Variants in SLC1A2 observed in about 807,000 individuals in gnomAD.
SLC1A2 encodes the protein excitatory amino acid transporter 2.
In SLC1A2, 15 loss-of-function variants were observed where a neutral mutation model predicts 48.8. That is an observed-to-expected ratio of 0.31 (90% CI 0.21 to 0.47). SLC1A2 has a LOEUF of 0.47. SLC1A2 is among the 20% of genes least tolerant of loss of function. SLC1A2 has a pLI of 0.99. For synonymous variants in SLC1A2, 279 were observed against 272.6 expected (o/e 1.02, Z -0.23); for missense variants, 502 against 730.5 (o/e 0.69, Z 3.61).
rs1042115 is a variant in SLC1A2 at position 35,280,892 on chromosome 11, G to T, written c.1396C>A (p.Leu466Met). Reference sequence around the variant, plus strand: ...AGCAGCCAGTCCACAGCCACCAGCAGGCTGATGTCCTCTGTTGGCAGGCCC... The same window carrying T: ...AGCAGCCAGTCCACAGCCACCAGCATGCTGATGTCCTCTGTTGGCAGGCCC... Reference protein sequence around the residue: ...AVGLPTEDISLLVAVDWLLDR... With the variant: ...AVGLPTEDISMLVAVDWLLDR... Residue 466 changes from leucine to methionine, a missense_variant, in exon 9 of 11, where the codon CTG becomes ATG. Leu to Met is a conservative substitution (Grantham distance 15). This residue lies in a region of SLC1A2 where 309 missense variants were observed against 480.3 expected (regional missense o/e 0.64). Transcript: ENST00000278379. 3 of 1,612,288 alleles carry T rather than the reference G, an allele frequency of 1.9e-6. No individual in the cohort carries two copies. In the African/African-American group the frequency reaches 4.0e-5, roughly 22 times the overall value.
intron 10 of SLC1A2, 46 bp downstream of exon 10, chr11:35,265,481 T>C: frequency 1.1e-6 from 1 of 914,684 alleles, no homozygotes; most frequent in Non-Finnish European, 1.8e-6. Flanking sequence ...AAATCAAGCA[T>C]GCACTACTAT....
chr11:35,318,881 C>T (rs960129853), intron 1 of SLC1A2, among the ~76,000 whole-genome samples: 1 of 152,208 alleles, frequency 6.6e-6, no homozygotes, highest in Non-Finnish European at 1.5e-5. Context: ...ACTTAGCTTC[C>T]AGACTCAGAG....
At chr11:35,316,410 C>T (rs999624414) in intron 2 of SLC1A2, 2 of 152,234 alleles carry the variant, frequency 1.3e-5, no homozygotes, top group African/African-American at 4.8e-5. Context: ...CACTCTCCAA[C>T]TTCTTCAAGT....
chr11:35,279,275 A>G (rs928807474), intron 9 of SLC1A2, among the ~76,000 whole-genome samples: 6 of 152,350 alleles, frequency 3.9e-5, no homozygotes, highest in African/African-American at 1.2e-4. Context: ...GGGCACTTAG[A>G]GGGGATCCAT....
At chr11:35,342,403 AG>A (rs1466607904) in intron 1 of SLC1A2, among the ~76,000 whole-genome samples, 1 of 152,242 alleles carries the variant, frequency 6.6e-6, no homozygotes, top group African/African-American at 2.4e-5. Flanking sequence ...ACCGACAAAA[AG>A]TAACTTTCTG....
At position 35,257,117 on chromosome 11, in the gene SLC1A2, CTTTG is replaced by C. The variant is rs1224060953; in HGVS notation, c.*3773_*3776del. ...ACCCAGTAAATGAGTTTCCCAACCACTTTGCTCCAAAAGGGCTTCTTGACTAGAT... is the reference window on the plus strand; with the variant it reads ...ACCCAGTAAATGAGTTTCCCAACCACCTCCAAAAGGGCTTCTTGACTAGAT... On this transcript the variant is annotated 3_prime_UTR_variant, in exon 11 of 11. Coordinates refer to ENST00000278379, the MANE Select transcript of SLC1A2 (RefSeq NM_004171.4). 1.3e-5 allele frequency: 2 copies of C among 152,306 alleles called. No individual in the cohort carries two copies. Among genetic ancestry groups the C allele is most frequent in the East Asian group, 3.9e-4 (2 of 5,188 alleles). 9.4% of individuals were successfully genotyped at this position (152,306 alleles called of 1,614,324 possible).
At chr11:35,297,329 C>G (rs1039939257) in intron 6 of SLC1A2, among the ~76,000 whole-genome samples, 9 of 152,042 alleles carry the variant, frequency 5.9e-5, no homozygotes, top group African/African-American at 2.2e-4. Context: ...CCCGAGCATC[C>G]ACTGCCCCCA....
chr11:35,406,951 A>G (rs1459202615), intron 1 of SLC1A2, among the ~76,000 whole-genome samples: 1 of 152,222 alleles, frequency 6.6e-6, no homozygotes, highest in Non-Finnish European at 1.5e-5. Flanking sequence ...GCAGAGCCCA[A>G]GAGGAGATTG....
chr11:35,301,662 A>G lies in SLC1A2; in HGVS notation c.731-17T>C, dbSNP rs1851360509. ...CTATCAGACCTGTTGGATGAATCAC[A>G]TTACATAGAAGGACAAATTACAAAA... is the stretch of plus-strand genomic sequence containing the variant. On this transcript the variant is annotated splice_polypyrimidine_tract_variant and intron_variant, in intron 5 of 10. Coordinates refer to ENST00000278379, the MANE Select transcript of SLC1A2 (RefSeq NM_004171.4). 2 of 1,611,578 alleles carry G rather than the reference A, an allele frequency of 1.2e-6. No homozygotes were observed. The highest frequency in any genetic ancestry group is 8.5e-7 in the Non-Finnish European group (1 of 1,178,746).
At chr11:35,296,039 T>A (rs559225849) in intron 6 of SLC1A2, among the ~76,000 whole-genome samples, 18 of 152,376 alleles carry the variant, frequency 1.2e-4, no homozygotes, top group Middle Eastern at 3.4e-3. Flanking sequence ...TCTGATCTGT[T>A]TGAAAACCAG....
At position 35,312,417 on chromosome 11, in the gene SLC1A2, G is replaced by A; in HGVS notation, c.342C>T (p.Gly114=). Residue 114 remains glycine (G), a synonymous_variant, in exon 4 of 11, where the codon GGC becomes GGT. Transcript: ENST00000278379. The part of the protein sequence containing the change: ...GLSGLDAKAS[G]RLGTRAMVYY... The stretch of plus-strand genomic sequence containing the variant: ...ACACCATGGCTCTCGTGCCCAAGCG[G>A]CCACTAGCCTTAGCATCCAGGCCTG... 6.2e-7 allele frequency: 1 copy of A among 1,614,136 alleles called. No homozygotes were observed. Among genetic ancestry groups the A allele is most frequent in the East Asian group, 2.2e-5 (1 of 44,874 alleles).
At chr11:35,408,869 G>A (rs977883498) in intron 1 of SLC1A2, among the ~76,000 whole-genome samples, 5 of 152,120 alleles carry the variant, frequency 3.3e-5, no homozygotes, top group Admixed American at 6.5e-5. Flanking sequence ...GCATAATATC[G>A]ATCTGCCATG....
intron 1 of SLC1A2, among the ~76,000 whole-genome samples, chr11:35,328,059 G>A (rs1852304057): frequency 6.6e-6 from 1 of 152,206 alleles, no homozygotes; most frequent in South Asian, 2.1e-4. Flanking sequence ...GAGAGAAAAG[G>A]CAAAGTGAGC....
rs770934773 is a variant in SLC1A2 at position 35,252,181 on chromosome 11, T to A, written c.*8713A>T. On this transcript the variant is annotated 3_prime_UTR_variant, in exon 11 of 11. Transcript: ENST00000278379. ...GCTTTCGTAGGGTTTCACCTGCAGA[T>A]GCATTTGCAGTTAGTTAGTCAGCAA... 1 of 152,608 alleles carries A rather than the reference T, an allele frequency of 6.6e-6. No individual in the cohort carries two copies. Among genetic ancestry groups the A allele is most frequent in the Non-Finnish European group, 1.5e-5 (1 of 68,028 alleles). The allele number at this position is 152,608 out of a possible 1,614,324, so 9.5% of individuals were successfully genotyped here. A position where few individuals can be genotyped will look rare whatever the true frequency, so the allele number is the denominator to read the frequency against.
chr11:35,348,180 G>A (rs1853110089), intron 1 of SLC1A2, among the ~76,000 whole-genome samples: 2 of 152,146 alleles, frequency 1.3e-5, no homozygotes, highest in Non-Finnish European at 2.9e-5. Flanking sequence ...GCCTCCCCAG[G>A]AACAGGCCTG....
At chr11:35,353,584 T>C (rs1252218548) in intron 1 of SLC1A2, among the ~76,000 whole-genome samples, 1 of 152,162 alleles carries the variant, frequency 6.6e-6, no homozygotes, top group East Asian at 1.9e-4. Context: ...AATATGTGAG[T>C]CTCTAATAGA....
At chr11:35,314,726 A>T (rs1227382120) in intron 3 of SLC1A2, among the ~76,000 whole-genome samples, 2 of 151,098 alleles carry the variant, frequency 1.3e-5, no homozygotes, top group African/African-American at 2.4e-5. Context: ...AAAAAAAAAA[A>T]TTTAAAACCA....
At chr11:35,309,555 G>A (rs1851622131) in intron 4 of SLC1A2, among the ~76,000 whole-genome samples, 1 of 152,094 alleles carries the variant, frequency 6.6e-6, no homozygotes, top group Non-Finnish European at 1.5e-5. Context: ...ACTTAACTTG[G>A]GCAAACCAGG....
At chr11:35,288,498 G>C (rs1020968672) in intron 7 of SLC1A2, among the ~76,000 whole-genome samples, 1 of 152,098 alleles carries the variant, frequency 6.6e-6, no homozygotes, top group African/African-American at 2.4e-5. Flanking sequence ...CCCTTTCGAA[G>C]GGTTGCCAGG....
Sources: allele counts gnomAD v4.1 joint callset (sites outside exome capture counted in the v4.1 genomes callset), GRCh38; gene constraint gnomAD v4.1.1; regional missense constraint gnomAD v4.1.1; transcripts MANE v1.5; gene names NCBI Gene and HGNC (gene_info 2026-07-23, HGNC 2026-07-21).